The following LGSN variants were observed in gnomAD, a reference collection of about 807,000 sequenced individuals.
The protein encoded by LGSN is lengsin, lens protein with glutamine synthetase domain, also known as lengsin.
LGSN carries 21 observed loss-of-function variants against 19.5 expected under a neutral mutation model. The ratio of observed to expected loss-of-function variants is 1.07; its 90% CI spans 0.76 to 1.55. The LOEUF is 1.55. Among genes scored for constraint, LGSN ranks in the 40% most tolerant of loss-of-function variants. The pLI is 0.00. For synonymous variants in LGSN, 257 were observed against 215.6 expected (o/e 1.19, Z -1.68); for missense variants, 673 against 608.5 (o/e 1.11, Z -1.12).
chr6:63,460,929 T>C, the LGSN span, among the ~76,000 whole-genome samples: 1 of 152,170 alleles, frequency 6.6e-6, no homozygotes, highest in Admixed American at 6.5e-5. Flanking sequence ...AAAATGTGTA[T>C]AGTACCACAG....
the LGSN span, among the ~76,000 whole-genome samples, chr6:63,376,161 T>C: frequency 2.0e-5 from 3 of 152,308 alleles, no homozygotes; most frequent in East Asian, 3.9e-4. Context: ...TGCTTGCTAA[T>C]TGCGCTTACA....
chr6:63,392,191 T>C, the LGSN span: 1 of 152,256 alleles, frequency 6.6e-6, no homozygotes, highest in Non-Finnish European at 1.5e-5. Flanking sequence ...TGTACTGATA[T>C]GAAGTAGGAG....
At chr6:63,528,225 C>T in the LGSN span, 2 of 152,184 alleles carry the variant, frequency 1.3e-5, no homozygotes, top group Non-Finnish European at 2.9e-5. Context: ...ATTTCAAACA[C>T]ACTAGTAACA....
the LGSN span, chr6:63,549,028 C>T: frequency 1.6e-5 from 12 of 727,326 alleles, no homozygotes; most frequent in African/African-American, 3.4e-5. Flanking sequence ...ATGGGATCCA[C>T]GTCGTGTGCA....
the LGSN span, among the ~76,000 whole-genome samples, chr6:63,435,220 A>C: frequency 6.6e-6 from 1 of 152,222 alleles, no homozygotes; most frequent in Non-Finnish European, 1.5e-5. Context: ...TTAGACAACA[A>C]AATGAGATTT....
intron 1 of LGSN, among the ~76,000 whole-genome samples, chr6:63,312,809 T>A (rs865936143): frequency 4.9e-4 from 74 of 152,206 alleles, no homozygotes; most frequent in African/African-American, 1.7e-3. Context: ...ACTTGGGAAG[T>A]GGATTTCGCA....
At chr6:63,515,177 G>A in the LGSN span, among the ~76,000 whole-genome samples, 1 of 151,708 alleles carries the variant, frequency 6.6e-6, no homozygotes, top group Non-Finnish European at 1.5e-5. Flanking sequence ...TTGAGCAACT[G>A]ATATATATCA....
chr6:63,394,799 G>A, the LGSN span, among the ~76,000 whole-genome samples: 10 of 152,154 alleles, frequency 6.6e-5, no homozygotes, highest in South Asian at 2.1e-4. Context: ...CAGGACTGCC[G>A]GGTGCTGGCT....
At chr6:63,386,517 G>A in the LGSN span, among the ~76,000 whole-genome samples, 1 of 151,808 alleles carries the variant, frequency 6.6e-6, no homozygotes, top group East Asian at 1.9e-4. Flanking sequence ...CTCATTTCCT[G>A]ATTTTTGCAT....
chr6:63,365,564 G>A, the LGSN span, among the ~76,000 whole-genome samples: 2 of 152,004 alleles, frequency 1.3e-5, no homozygotes, highest in East Asian at 1.9e-4. Flanking sequence ...AGAAAAAGAT[G>A]GAATCCTCCC....
the LGSN span, among the ~76,000 whole-genome samples, chr6:63,390,118 C>CTTTCTT: frequency 4.5e-5 from 3 of 66,336 alleles, no homozygotes; most frequent in African/African-American, 2.0e-4. Flanking sequence ...TTCTTTCTTT[C>CTTTCTT]TTTTTTTTTT....
At chr6:63,432,184 A>AAAGAGAGGGAAAG in the LGSN span, among the ~76,000 whole-genome samples, 1 of 26,616 alleles carries the variant, frequency 3.8e-5, no homozygotes, top group African/African-American at 2.0e-4. Flanking sequence ...GGAAAGAAAG[A>AAAGAGAGGGAAAG]AAAGAAAAGA....
At chr6:63,324,989 A>C in the LGSN span, among the ~76,000 whole-genome samples, 1 of 151,612 alleles carries the variant, frequency 6.6e-6, no homozygotes, top group Non-Finnish European at 1.5e-5. Flanking sequence ...CTATAGTTCC[A>C]GCTACTCAGG....
At chr6:63,529,217 G>GTGTATATATATATAT in the LGSN span, among the ~76,000 whole-genome samples, 3 of 146,582 alleles carry the variant, frequency 2.0e-5, no homozygotes, top group African/African-American at 7.5e-5. Flanking sequence ...ATATATATTT[G>GTGTATATATATATAT]CTAATAACTT....
At chr6:63,357,390 T>A in the LGSN span, among the ~76,000 whole-genome samples, 2 of 152,202 alleles carry the variant, frequency 1.3e-5, no homozygotes, top group African/African-American at 4.8e-5. Context: ...TAGTTCTAGA[T>A]CCCTGAAGAA....
At chr6:63,444,147 G>A in the LGSN span, among the ~76,000 whole-genome samples, 1 of 151,952 alleles carries the variant, frequency 6.6e-6, no homozygotes, top group Non-Finnish European at 1.5e-5. Context: ...TATGCACCAG[G>A]CACTGTCTGA....
At chr6:63,527,979 ACCCACT>A in the LGSN span, 1 of 152,160 alleles carries the variant, frequency 6.6e-6, no homozygotes, top group Admixed American at 6.5e-5. Flanking sequence ...TATGAAAGAA[ACCCACT>A]GGATTTTTAA....
At position 63,281,201 on chromosome 6, in the gene LGSN, A is replaced by G; in HGVS notation, c.350T>C (p.Val117Ala). The G allele has an allele frequency of 5.1e-6, 8 of 1,572,060 alleles. No individual in the cohort carries two copies. Among genetic ancestry groups the G allele is most frequent in the Non-Finnish European group, 6.9e-6 (8 of 1,159,024 alleles). ...TTCAAGATAACCTCGGGGCATGCAA[A>G]CACCATGGCTCACTTTCTCCTAAAG... ...HFFQEKVSHGVCMPRGYLEVI... is the reference protein window; with the variant it reads ...HFFQEKVSHGACMPRGYLEVI... Residue 117 changes from valine to alanine, a missense_variant, in exon 4 of 4, where the codon GTT (valine) becomes GCT (alanine). By Grantham distance (64) the Val-to-Ala change is moderately conservative (BLOSUM62 0). Coordinates refer to ENST00000370657, the MANE Select transcript of LGSN (RefSeq NM_016571.3).
the LGSN span, among the ~76,000 whole-genome samples, chr6:63,371,446 T>C: frequency 1.3e-5 from 2 of 152,226 alleles, no homozygotes; most frequent in South Asian, 2.1e-4. Flanking sequence ...ACTCTGACAA[T>C]GATTTGAGAT....
Sources: gnomAD v4.1 joint callset for allele counts (sites outside exome capture counted in the v4.1 genomes callset) on GRCh38, gnomAD v4.1.1 for gene constraint, MANE v1.5 for transcripts, NCBI Gene and HGNC (gene_info 2026-07-23, HGNC 2026-07-21) for gene names.